The following PRRC2C variants were observed in gnomAD, a reference collection of about 807,000 sequenced individuals.
PRRC2C encodes the protein proline rich coiled-coil 2C.
PRRC2C carries 72 observed loss-of-function variants against 317.2 expected under a neutral mutation model. The ratio of observed to expected loss-of-function variants is 0.23; its 90% CI spans 0.19 to 0.28. The LOEUF is 0.28. PRRC2C is among the 10% of genes least tolerant of loss of function. The probability of loss-of-function intolerance (pLI) is 1.00; values close to 1 mark genes in which losing one functional copy is unlikely to be tolerated. For synonymous variants in PRRC2C, 1,296 were observed against 1,205.9 expected (o/e 1.07, Z -1.55); for missense variants, 3,074 against 3,459.7 (o/e 0.89, Z 2.80).
At chr1:171,544,003 A>G (rs967598274) in intron 16 of PRRC2C, among the ~76,000 whole-genome samples, 4 of 152,202 alleles carry the variant, frequency 2.6e-5, no homozygotes, top group Non-Finnish European at 4.4e-5. Flanking sequence ...TTAAGGATCA[A>G]TCAATCCATT....
chr1:171,515,503 C>T (rs188061235), intron 4 of PRRC2C, among the ~76,000 whole-genome samples: 335 of 152,148 alleles, frequency 2.2e-3, no homozygotes, highest in African/African-American at 7.8e-3. Flanking sequence ...TAAATGAGTC[C>T]TCTGGAATGG....
chr1:171,547,600 T>G (rs748884273), intron 17 of PRRC2C, among the ~76,000 whole-genome samples: 24 of 151,784 alleles, frequency 1.6e-4, no homozygotes, highest in Non-Finnish European at 3.1e-4. Flanking sequence ...CAGAATAAAC[T>G]GGGTTTTTTT....
chr1:171,555,304 CA>C (rs1681166338), intron 18 of PRRC2C, among the ~76,000 whole-genome samples: 1 of 152,202 alleles, frequency 6.6e-6, no homozygotes, highest in Non-Finnish European at 1.5e-5. Context: ...CCATGGTTTT[CA>C]GCTCCATCAG....
At chr1:171,517,236 T>C (rs1252911111) in intron 5 of PRRC2C, among the ~76,000 whole-genome samples, 1 of 152,228 alleles carries the variant, frequency 6.6e-6, no homozygotes, top group Non-Finnish European at 1.5e-5. Context: ...AAGTCCCATC[T>C]TCCTTCCCTC....
rs1225106866 is a variant in PRRC2C, at chr1:171,540,361, A to T, written c.2895A>T (p.Pro965=). 16 of 1,612,920 alleles carry T rather than the reference A, an allele frequency of 9.9e-6. No individual in the cohort carries two copies. Among genetic ancestry groups the T allele is most frequent in the Non-Finnish European group, 1.4e-5 (16 of 1,179,598 alleles). ...ATTCAAAAGAACCAATAGAAAGGCC[A>T]GAGGAGAAACCAAAAAAGGAAGGCT... ...CIDSKEPIER[P]EEKPKKEGFI... The change falls in exon 16 of 35, where the codon CCA becomes CCT. Residue 965 remains proline, a synonymous_variant. Coordinates refer to ENST00000647382, the MANE Select transcript of PRRC2C (RefSeq NM_001387844.1).
At position 171,591,821 on chromosome 1, in the gene PRRC2C, A is replaced by G. The variant is rs757661556; in HGVS notation, c.8671A>G (p.Ile2891Val). The G allele has an allele frequency of 6.2e-7, 1 of 1,603,016 alleles. No homozygotes were observed. Among genetic ancestry groups the G allele is most frequent in the Non-Finnish European group, 8.5e-7 (1 of 1,174,460 alleles). Residue 2891 changes from isoleucine (I) to valine (V), a missense_variant, in exon 35 of 35, where the codon ATC becomes GTC. Ile to Val is a conservative substitution (Grantham distance 29). Around this residue, in one of 11 missense-constraint regions of PRRC2C, gnomAD observed 78 missense variants for 97.7 expected, o/e 0.80. Transcript: ENST00000647382. Reference sequence around the variant, plus strand: ...AACTGGACCAATCAAACCTCAGGCGATCAAAACCGAAGAAACAAAATCTTA... The same window carrying G: ...AACTGGACCAATCAAACCTCAGGCGGTCAAAACCGAAGAAACAAAATCTTA... ...VRTGPIKPQA[I>V]KTEETKS
chr1:171,569,433 T>C (rs1006686402), intron 23 of PRRC2C, among the ~76,000 whole-genome samples: 2 of 151,346 alleles, frequency 1.3e-5, no homozygotes, highest in Non-Finnish European at 3.0e-5. Flanking sequence ...TGAAGGACTG[T>C]ACTAAATATG....
chr1:171,523,574 T>G, intron 9 of PRRC2C, 52 bp downstream of exon 9: 1 of 1,378,338 alleles, frequency 7.3e-7, no homozygotes, highest in East Asian at 2.3e-5. Flanking sequence ...TGATACAATA[T>G]TAGCTACTTA....
At chr1:171,591,303 A>G in intron 34 of PRRC2C, 6 of 884,480 alleles carry the variant, frequency 6.8e-6, no homozygotes, top group Non-Finnish European at 8.7e-6. Context: ...TAGATTTGCA[A>G]GCAGGTTCCC....
rs1671661039 is a variant in PRRC2C at position 171,512,983 on chromosome 1, A to G, written c.113-12A>G. ...TAGATGTTCTAAGAAAGTTGATGTT[A>G]TTGATCTTTAGTTGCAGCTCGACAT... On this transcript the variant is annotated splice_polypyrimidine_tract_variant and intron_variant, in intron 2 of 34. Coordinates refer to ENST00000647382, the MANE Select transcript of PRRC2C (RefSeq NM_001387844.1). 7 of 1,592,326 alleles carry G rather than the reference A, an allele frequency of 4.4e-6. No individual in the cohort carries two copies. Among genetic ancestry groups the G allele is most frequent in the Non-Finnish European group, 6.0e-6 (7 of 1,170,958 alleles).
At chr1:171,538,390 A>G (rs927549619) in intron 15 of PRRC2C, among the ~76,000 whole-genome samples, 1 of 152,200 alleles carries the variant, frequency 6.6e-6, no homozygotes, top group Non-Finnish European at 1.5e-5. Context: ...TTTTAACAGT[A>G]TTTTAGGGAA....
rs1399786352 is a variant in PRRC2C at position 171,587,121 on chromosome 1, C to T, written c.7868C>T (p.Ala2623Val). 6.8e-6 allele frequency: 11 copies of T among 1,611,470 alleles called. No individual in the cohort carries two copies. Among genetic ancestry groups the T allele is most frequent in the Non-Finnish European group, 8.5e-6 (10 of 1,178,924 alleles). ...CCATTACAGCATACCACTCCCCAAG[C>T]ACAGGCTCAGAGTCTGAGTCGTCCT... The part of the protein sequence containing the change: ...QPPLQHTTPQ[A>V]QAQSLSRPAQ... The change falls in exon 31 of 35, where the codon GCA becomes GTA. Residue 2623 changes from alanine (A) to valine (V), a missense_variant. Around this residue, in one of 11 missense-constraint regions of PRRC2C, gnomAD observed 490 missense variants for 663.1 expected, o/e 0.74. Transcript: ENST00000647382.
In PRRC2C at chr1:171,527,685, G is replaced by A; in HGVS notation, c.1201-106G>A. On this transcript the variant is annotated intron_variant, in intron 10 of 34. Transcript: ENST00000647382. ...GCATGAGAATTGCTTGGCCCCGGGA[G>A]ACAGAGGTTGCAGTGAGCCAAGATC... 5.7e-6 allele frequency: 5 copies of A among 870,676 alleles called. No individual in the cohort carries two copies. The Admixed American group carries it at 7.1e-5, about 12-fold the overall frequency. 53.9% of individuals were successfully genotyped at this position (870,676 alleles called of 1,614,324 possible). A position where few individuals can be genotyped will look rare whatever the true frequency, so the allele number is the denominator to read the frequency against.
intron 1 of PRRC2C, among the ~76,000 whole-genome samples, chr1:171,494,730 G>T (rs1667799964): frequency 6.6e-6 from 1 of 152,092 alleles, no homozygotes; most frequent in African/African-American, 2.4e-5. Context: ...CGCCTTCCGT[G>T]ATCTACACTA....
chr1:171,569,193 G>A (rs1684240209), intron 23 of PRRC2C, among the ~76,000 whole-genome samples: 2 of 151,894 alleles, frequency 1.3e-5, no homozygotes, highest in African/African-American at 2.4e-5. Context: ...AATAAGTAAA[G>A]GCTATCAGAC....
chr1:171,522,301 T>G (rs1161558056), intron 7 of PRRC2C, 42 bp downstream of exon 7: 2 of 1,350,072 alleles, frequency 1.5e-6, no homozygotes, highest in Non-Finnish European at 2.1e-6. Flanking sequence ...GAATATATGC[T>G]TGTTAAGATT....
intron 15 of PRRC2C, among the ~76,000 whole-genome samples, chr1:171,538,121 C>T (rs528427899): frequency 8.5e-5 from 13 of 152,172 alleles, no homozygotes; most frequent in Non-Finnish European, 1.6e-4. Flanking sequence ...AGGATGGTCT[C>T]GATCTCCTGA....
intron 6 of PRRC2C, among the ~76,000 whole-genome samples, chr1:171,518,393 G>T (rs1479199640): frequency 2.0e-5 from 3 of 150,234 alleles, no homozygotes; most frequent in African/African-American, 7.4e-5. Context: ...TGCCAAAGGG[G>T]TGGTTCATGG....
At chr1:171,539,934 C>T (rs1677656846) in intron 15 of PRRC2C, 37 bp from the exon 16 acceptor site, 4 of 1,512,328 alleles carry the variant, frequency 2.6e-6, no homozygotes, top group Non-Finnish European at 3.6e-6. Flanking sequence ...GGAAAGATTG[C>T]TTTGTTGATT....
Sources: gnomAD v4.1 joint callset for allele counts (sites outside exome capture counted in the v4.1 genomes callset) on GRCh38, gnomAD v4.1.1 for gene constraint, gnomAD v4.1.1 regional missense constraint, MANE v1.5 for transcripts, NCBI Gene and HGNC (gene_info 2026-07-23, HGNC 2026-07-21) for gene names.